BAX: variants seen among roughly 807,000 people sequenced by gnomAD.
The protein encoded by BAX is BCL2 associated X, apoptosis regulator.
In BAX, 21 loss-of-function variants were observed where a neutral mutation model predicts 26.8. The observed-to-expected ratio is 0.78, with a 90% CI of 0.56 to 1.13. The LOEUF (loss-of-function observed/expected upper bound fraction) is 1.13, where lower values mean the gene tolerates loss of function less well. Among genes scored for constraint, BAX ranks in the 50% most tolerant of loss-of-function variants. The pLI is 0.00. For synonymous variants in BAX, 110 were observed against 101.8 expected, an observed-to-expected ratio of 1.08 and a Z score of -0.49; for missense variants, 236 against 254.6, an observed-to-expected ratio of 0.93 and a Z score of 0.50.
At chr19:48,956,461 A>G (rs550578835) in intron 4 of BAX, 128 bp downstream of exon 4, 6 of 1,040,246 alleles carry the variant, frequency 5.8e-6, no homozygotes, top group East Asian at 3.0e-5. Flanking sequence ...ATGGCTGTGC[A>G]CTGGGTGTCT....
chr19:48,956,182 C>A lies in BAX; in HGVS notation c.234-16C>A. 6.7e-7 allele frequency: 1 copy of A among 1,499,844 alleles called. No homozygotes were observed. Among genetic ancestry groups the A allele is most frequent in the South Asian group, 1.3e-5 (1 of 76,264 alleles). The allele number at this position is 1,499,844 out of a possible 1,614,324, so 92.9% of individuals were successfully genotyped here. Reference sequence around the variant, plus strand: ...TGATGCCTGCTCCCCGGCACTGGTTCTCCTCTCTCCTGCAGGATGATTGCC... The same window carrying A: ...TGATGCCTGCTCCCCGGCACTGGTTATCCTCTCTCCTGCAGGATGATTGCC... On this transcript the variant is annotated splice_polypyrimidine_tract_variant and intron_variant, in intron 3 of 5. Coordinates refer to ENST00000345358, the MANE Select transcript of BAX (RefSeq NM_138761.4).
Position 48,955,807 on chromosome 19 carries a change from A to C in BAX, c.207A>C (p.Glu69Asp). The change falls in exon 3 of 6, where the codon GAA (glutamate) becomes GAC (aspartate). Residue 69 changes from glutamate (E) to aspartate (D), a missense_variant. Transcript: ENST00000345358. The part of the protein sequence containing the change: ...LSECLKRIGD[E>D]LDSNMELQRM... ...AGTGTCTCAAGCGCATCGGGGACGA[A>C]CTGGACAGTAACATGGAGCTGCAGA... 1.2e-6 allele frequency: 2 copies of C among 1,608,448 alleles called. No homozygotes were observed. Among genetic ancestry groups the C allele is most frequent in the Non-Finnish European group, 1.7e-6 (2 of 1,177,156 alleles).
intron 4 of BAX, among the ~76,000 whole-genome samples, chr19:48,958,766 A>G (rs920072225): frequency 1.3e-5 from 2 of 151,764 alleles, no homozygotes; most frequent in Non-Finnish European, 2.9e-5. Context: ...GCTGGTCTCG[A>G]ACTCCTTACC....
Position 48,956,223 on chromosome 19 carries a change from T to TC in BAX, c.265dup (p.Arg89ProfsTer10). The TC allele has an allele frequency of 3.2e-6, 5 of 1,560,868 alleles. No individual in the cohort carries two copies. Among genetic ancestry groups the TC allele is most frequent in the Admixed American group, 2.0e-5 (1 of 51,048 alleles). ...GATGATTGCCGCCGTGGACACAGACTCCCCCCGAGAGGTCTTTTTCCGAGT... is the reference window on the plus strand; with the variant it reads ...GATGATTGCCGCCGTGGACACAGACTCCCCCCCGAGAGGTCTTTTTCCGAGT... On this transcript the variant is annotated frameshift_variant, in exon 4 of 6. Coordinates refer to ENST00000345358, the MANE Select transcript of BAX (RefSeq NM_138761.4). LOFTEE classifies it high-confidence loss of function.
At position 48,955,900 on chromosome 19, in the gene BAX, C is replaced by T. The variant is rs1805418; in HGVS notation, c.233+67C>T. The T allele has an allele frequency of 3.6e-5, 54 of 1,493,782 alleles. No homozygotes were observed. In the African/African-American group the frequency reaches 4.8e-4, roughly 13 times the overall value. 92.5% of individuals were successfully genotyped at this position (1,493,782 alleles called of 1,614,324 possible). A position where few individuals can be genotyped will look rare whatever the true frequency, so the allele number is the denominator to read the frequency against. ...CTTCAGGACACAGGACTCTCAGCCC[C>T]GCATTCTCCTCCTCCCCTAAGAACT... On this transcript the variant is annotated intron_variant, in intron 3 of 5. Coordinates refer to ENST00000345358, the MANE Select transcript of BAX (RefSeq NM_138761.4).
At chr19:48,955,512 G>A (rs767362103) in intron 1 of BAX, 36 bp from the exon 2 acceptor site, 1 of 1,598,686 alleles carries the variant, frequency 6.3e-7, no homozygotes, top group Non-Finnish European at 8.5e-7. Flanking sequence ...TAGAACCCAA[G>A]AGTCCAGGTA....
At position 48,961,520 on chromosome 19, in the gene BAX, C is replaced by T. The variant is rs748508290; in HGVS notation, c.475-12C>T. 6.3e-7 allele frequency: 1 copy of T among 1,596,814 alleles called. No individual in the cohort carries two copies. Among genetic ancestry groups the T allele is most frequent in the South Asian group, 1.1e-5 (1 of 88,630 alleles). On this transcript the variant is annotated splice_polypyrimidine_tract_variant and intron_variant, in intron 5 of 5. Transcript: ENST00000345358. ...GCCGAGTCACTGAAGCGACTGATGTCCCTGTCTCCAGGACGGCCTCCTCTC... is the reference window on the plus strand; with the variant it reads ...GCCGAGTCACTGAAGCGACTGATGTTCCTGTCTCCAGGACGGCCTCCTCTC...
intron 5 of BAX, 84 bp downstream of exon 5, chr19:48,960,998 TCTGGGACC>T (rs1217090631): frequency 6.3e-7 from 1 of 1,596,528 alleles, no homozygotes; most frequent in African/African-American, 1.4e-5. Flanking sequence ...CCGCCACTCC[TCTGGGACC>T]CTGGGCCTTC....
Position 48,961,711 on chromosome 19 carries a change from G to C in BAX, c.*75G>C. On this transcript the variant is annotated 3_prime_UTR_variant, in exon 6 of 6. Coordinates refer to ENST00000345358, the MANE Select transcript of BAX (RefSeq NM_138761.4). The stretch of plus-strand genomic sequence containing the variant: ...TTTCTGGGAGGGGTGGGGATTGGGG[G>C]ACGTGGGCATTTTTCTTACTTTTGT... The C allele has an allele frequency of 8.5e-7, 1 of 1,179,202 alleles. No individual in the cohort carries two copies. Among genetic ancestry groups the C allele is most frequent in the Non-Finnish European group, 1.2e-6 (1 of 837,384 alleles). 73.0% of individuals were successfully genotyped at this position (1,179,202 alleles called of 1,614,324 possible).
chr19:48,960,795 C>T lies in BAX; in HGVS notation c.370-15C>T. The T allele has an allele frequency of 6.3e-7, 1 of 1,597,102 alleles. No homozygotes were observed. Among genetic ancestry groups the T allele is most frequent in the African/African-American group, 1.3e-5 (1 of 74,800 alleles). On this transcript the variant is annotated splice_polypyrimidine_tract_variant and intron_variant, in intron 4 of 5. Transcript: ENST00000345358. ...GACAAGGTTCAGTCCCTAACGCCCA[C>T]TCCACTCCCCACAGGCCCTGTGCAC... is the stretch of plus-strand genomic sequence containing the variant.
Position 48,955,710 on chromosome 19 carries a change from G to GA in BAX, c.112dup (p.Met38AsnfsTer36), listed in dbSNP as rs1318061746. The GA allele has an allele frequency of 6.2e-7, 1 of 1,612,820 alleles. No individual in the cohort carries two copies. The highest frequency in any genetic ancestry group is 8.5e-7 in the Non-Finnish European group (1 of 1,179,274). On this transcript the variant is annotated frameshift_variant, in exon 3 of 6. Coordinates refer to ENST00000345358, the MANE Select transcript of BAX (RefSeq NM_138761.4). LOFTEE classifies it high-confidence loss of function. ...AGTTTCATCCAGGATCGAGCAGGGC[G>GA]AATGGGGGGGGAGGCACCCGAGCTG...
At chr19:48,955,393 C>A (rs774493423) in intron 1 of BAX, 155 bp from the exon 2 acceptor site, 49 of 791,432 alleles carry the variant, frequency 6.2e-5, no homozygotes, top group Non-Finnish European at 9.4e-5. Flanking sequence ...ATCAGGGACT[C>A]AGTTGTCTGG....
intron 4 of BAX, among the ~76,000 whole-genome samples, chr19:48,958,828 A>C (rs545514380): frequency 1.3e-5 from 2 of 151,276 alleles, no homozygotes; most frequent in African/African-American, 4.8e-5. Flanking sequence ...TACAGGCGTG[A>C]GCCACCGTGC....
Position 48,957,178 on chromosome 19 carries a change from C to T in BAX, c.369+845C>T, listed in dbSNP as rs118126537. Among the ~76,000 whole-genome samples, 4 of 147,564 alleles carry T rather than the reference C, an allele frequency of 2.7e-5. No individual in the cohort carries two copies. In the East Asian group the frequency reaches 8.3e-4, roughly 30 times the overall value. ...GCCAGTGCTGTTGGAACAGAGTGAACTGGGGAGAGGGTGGGAAAGGAAGGC... is the reference window on the plus strand; with the variant it reads ...GCCAGTGCTGTTGGAACAGAGTGAATTGGGGAGAGGGTGGGAAAGGAAGGC... On this transcript the variant is annotated intron_variant, in intron 4 of 5. Coordinates refer to ENST00000345358, the MANE Select transcript of BAX (RefSeq NM_138761.4).
At chr19:48,957,909 T>C (rs4645893) in intron 4 of BAX, among the ~76,000 whole-genome samples, 6 of 152,124 alleles carry the variant, frequency 3.9e-5, no homozygotes, top group Non-Finnish European at 2.9e-5. Context: ...TCTTTTAACT[T>C]TTCATTATGA....
At chr19:48,960,681 G>C (rs2038320729) in intron 4 of BAX, 129 bp from the exon 5 acceptor site, 2 of 863,564 alleles carry the variant, frequency 2.3e-6, no homozygotes, top group Non-Finnish European at 3.6e-6. Flanking sequence ...AATTTTTGAA[G>C]CCGACTTCAA....
intron 5 of BAX, 56 bp downstream of exon 5, chr19:48,960,970 C>G: frequency 6.2e-7 from 1 of 1,612,586 alleles, no homozygotes; most frequent in Non-Finnish European, 8.5e-7. Flanking sequence ...ACCGCCCCTG[C>G]CCCACCGTCC....
chr19:48,960,146 G>A, intron 4 of BAX: 1 of 404,598 alleles, frequency 2.5e-6, no homozygotes, highest in South Asian at 1.9e-5. Context: ...GAAGGCTCAG[G>A]GGTGGGGCAG....
intron 4 of BAX, among the ~76,000 whole-genome samples, chr19:48,956,652 A>ATTTTTT (rs746344180): frequency 1.7e-5 from 2 of 118,206 alleles, no homozygotes; most frequent in African/African-American, 3.2e-5. Flanking sequence ...AAAGATTTCT[A>ATTTTTT]TTTTTTTTTT....
Sources: gnomAD v4.1 joint callset for allele counts (sites outside exome capture counted in the v4.1 genomes callset) on GRCh38, gnomAD v4.1.1 for gene constraint, MANE v1.5 for transcripts, NCBI Gene and HGNC (gene_info 2026-07-23, HGNC 2026-07-21) for gene names.